The following KANSL1 variants were observed in gnomAD, a reference collection of about 807,000 sequenced individuals.
KANSL1 encodes the protein MLL1/MLL complex subunit KANSL1.
KANSL1 carries 22 observed loss-of-function variants against 103.6 expected under a neutral mutation model. The observed-to-expected ratio is 0.21, with a 90% CI of 0.15 to 0.30. The LOEUF is 0.30. KANSL1 is among the 10% of genes least tolerant of loss of function. KANSL1 has a pLI of 1.00. For missense variants in KANSL1, 1,337 were observed against 1,399.8 expected (o/e 0.96, Z 0.72); for synonymous variants, 600 against 527.6 (o/e 1.14, Z -1.88).
At chr17:46,107,336 G>T (rs577289218) in intron 2 of KANSL1, among the ~76,000 whole-genome samples, 33 of 152,282 alleles carry the variant, frequency 2.2e-4, no homozygotes, top group African/African-American at 7.7e-4. Flanking sequence ...TTAACACAGG[G>T]TTTCAACCCA....
intron 10 of KANSL1, 56 bp downstream of exon 10, chr17:46,038,482 T>C: frequency 2.5e-6 from 4 of 1,589,830 alleles, no homozygotes; most frequent in Non-Finnish European, 3.4e-6. Flanking sequence ...TGGAGCCACT[T>C]GAGTGAGCTG....
intron 6 of KANSL1, among the ~76,000 whole-genome samples, chr17:46,053,151 G>A (rs1366651890): frequency 6.6e-6 from 1 of 151,676 alleles, no homozygotes; most frequent in African/African-American, 2.4e-5. Flanking sequence ...TGGGCATGGT[G>A]GTGGGCACCT....
At chr17:46,123,316 G>T (rs2043368482) in intron 2 of KANSL1, among the ~76,000 whole-genome samples, 2 of 152,212 alleles carry the variant, frequency 1.3e-5, no homozygotes, top group African/African-American at 2.4e-5. Context: ...GGCAGAGGTT[G>T]CAGTGAGCCA....
At chr17:46,062,166 A>G (rs955998888) in intron 6 of KANSL1, among the ~76,000 whole-genome samples, 1 of 150,628 alleles carries the variant, frequency 6.6e-6, no homozygotes, top group African/African-American at 2.4e-5. Flanking sequence ...CCCCCAAAAT[A>G]GCTTACAACA....
chr17:46,172,024 G>T lies in KANSL1; in HGVS notation c.120C>A (p.Ala40=). Residue 40 remains alanine (A), a synonymous_variant, in exon 2 of 15, where the codon GCC becomes GCA. Transcript: ENST00000432791. ...SPGSAENNGN[A]NILIAANGTK... ...TTCCGTTGGCAGCAATAAGGATGTTGGCGTTGCCGTTATTTTCGGCACTGC... is the reference window on the plus strand; with the variant it reads ...TTCCGTTGGCAGCAATAAGGATGTTTGCGTTGCCGTTATTTTCGGCACTGC... 1 of 1,614,254 alleles carries T rather than the reference G, an allele frequency of 6.2e-7. No homozygotes were observed. Among genetic ancestry groups the T allele is most frequent in the Non-Finnish European group, 8.5e-7 (1 of 1,180,046 alleles).
intron 2 of KANSL1, among the ~76,000 whole-genome samples, chr17:46,155,635 TA>T (rs1233719020): frequency 6.6e-6 from 1 of 152,180 alleles, no homozygotes; most frequent in Non-Finnish European, 1.5e-5. Context: ...GACAAATAAT[TA>T]TTAGTCCCAA....
intron 6 of KANSL1, among the ~76,000 whole-genome samples, chr17:46,053,424 C>T (rs1268014527): frequency 1.3e-5 from 2 of 151,488 alleles, no homozygotes; most frequent in Non-Finnish European, 2.9e-5. Context: ...TAATAGAACC[C>T]GAGGAGTATA....
At position 46,038,694 on chromosome 17, in the gene KANSL1, A is replaced by G; in HGVS notation, c.2393-8T>C. The stretch of plus-strand genomic sequence containing the variant: ...CTGTGTGATGCTTCAACACTGCAGA[A>G]GTCAACAGAAAAGAGAGAAATACAT... On this transcript the variant is annotated splice_region_variant and splice_polypyrimidine_tract_variant and intron_variant, in intron 9 of 14. Transcript: ENST00000432791. The G allele has an allele frequency of 1.2e-6, 2 of 1,614,090 alleles. No individual in the cohort carries two copies. The highest frequency in any genetic ancestry group is 1.7e-6 in the Non-Finnish European group (2 of 1,180,020).
chr17:46,096,311 C>CTTTTTTTTTTTTTTTT lies in KANSL1; in HGVS notation c.1290-1626_1290-1611dup, dbSNP rs71138525. Reference sequence around the variant, plus strand: ...CATACTACATACCTGGCTTTTTTTTCTTTTTTTTTTTTTTTTTTTTTGAGA... The same window carrying CTTTTTTTTTTTTTTTT: ...CATACTACATACCTGGCTTTTTTTTCTTTTTTTTTTTTTTTTTTTTTTTTTTTTTTTTTTTTTGAGA... On this transcript the variant is annotated intron_variant, in intron 2 of 14. Transcript: ENST00000432791. Among the ~76,000 whole-genome samples, 86 of 76,388 alleles carry CTTTTTTTTTTTTTTTT rather than the reference C, an allele frequency of 1.1e-3. 1 individual carries two copies. The highest frequency in any genetic ancestry group is 3.2e-3 in the African/African-American group (58 of 17,848). The allele number at this position is 76,388 out of a possible 152,430, so 50.1% of individuals were successfully genotyped here.
At chr17:46,144,174 C>T (rs114824788) in intron 2 of KANSL1, among the ~76,000 whole-genome samples, 2,398 of 152,266 alleles carry the variant, frequency 0.016, 65 homozygotes, top group African/African-American at 0.051. Context: ...GGAAGGTATA[C>T]CTTCTAAGTC....
At chr17:46,221,380 C>T (rs1178177674) in intron 1 of KANSL1, 2 of 151,694 alleles carry the variant, frequency 1.3e-5, no homozygotes, top group African/African-American at 2.5e-5. Flanking sequence ...TTCCCTATTC[C>T]TCTCCCATCT....
chr17:46,094,851 C>T (rs1288208387), intron 2 of KANSL1, 150 bp from the exon 3 acceptor site: 4 of 875,798 alleles, frequency 4.6e-6, no homozygotes, highest in South Asian at 2.9e-5. Context: ...AGACACCTCC[C>T]GCTCATCAGG....
intron 2 of KANSL1, among the ~76,000 whole-genome samples, chr17:46,161,720 T>C (rs1048699721): frequency 5.3e-5 from 8 of 152,248 alleles, no homozygotes; most frequent in African/African-American, 1.9e-4. Flanking sequence ...TGATTTTAAA[T>C]GAACTATGAC....
At chr17:46,071,699 T>C (rs1327014429) in intron 4 of KANSL1, among the ~76,000 whole-genome samples, 1 of 152,222 alleles carries the variant, frequency 6.6e-6, no homozygotes, top group African/African-American at 2.4e-5. Flanking sequence ...GACTGAGATA[T>C]CTGCTATCCA....
At chr17:46,079,835 G>C (rs1266873369) in intron 4 of KANSL1, among the ~76,000 whole-genome samples, 3 of 152,136 alleles carry the variant, frequency 2.0e-5, no homozygotes, top group South Asian at 2.1e-4. Context: ...AAATTAGCCA[G>C]ACATGGTGGC....
chr17:46,169,776 T>C (rs1436786165), intron 2 of KANSL1, among the ~76,000 whole-genome samples: 1 of 152,252 alleles, frequency 6.6e-6, no homozygotes, highest in Non-Finnish European at 1.5e-5. Context: ...AGTACATAGA[T>C]GCTGAATTGG....
At chr17:46,061,097 C>A (rs1253226870) in intron 6 of KANSL1, among the ~76,000 whole-genome samples, 1 of 152,078 alleles carries the variant, frequency 6.6e-6, no homozygotes, top group Admixed American at 6.5e-5. Context: ...GTTATTAGTA[C>A]AAAAAAACCC....
chr17:46,149,065 T>C (rs1422132787), intron 2 of KANSL1, among the ~76,000 whole-genome samples: 4 of 150,684 alleles, frequency 2.7e-5, no homozygotes, highest in Non-Finnish European at 5.9e-5. Context: ...TGCAGTGGCA[T>C]GATCTTGGCT....
upstream of KANSL1, among the ~76,000 whole-genome samples, chr17:46,224,229 A>G (rs1192239039): frequency 2.0e-5 from 3 of 152,236 alleles, no homozygotes; most frequent in African/African-American, 7.2e-5. Flanking sequence ...TTTCAGAGTC[A>G]ATTCCACATG....
Sources: allele counts gnomAD v4.1 joint callset (sites outside exome capture counted in the v4.1 genomes callset), GRCh38; gene constraint gnomAD v4.1.1; transcripts MANE v1.5; gene names NCBI Gene and HGNC (gene_info 2026-07-23, HGNC 2026-07-21).